Variants in GSDME observed in about 807,000 individuals in gnomAD.
GSDME encodes gasdermin-E.
In GSDME, 44 loss-of-function variants were observed where a neutral mutation model predicts 47.5. The observed-to-expected ratio is 0.93, with a 90% confidence interval of 0.73 to 1.19. The LOEUF is 1.19. GSDME is among the 50% of genes most tolerant of loss of function. GSDME has a pLI of 0.00. For synonymous variants in GSDME, 258 were observed against 252.8 expected (o/e 1.02, Z -0.20); for missense variants, 663 against 604.2 (o/e 1.10, Z -1.02).
At chr7:24,753,387 A>G (rs529852184) in intron 1 of GSDME, among the ~76,000 whole-genome samples, 1 of 152,310 alleles carries the variant, frequency 6.6e-6, no homozygotes, top group East Asian at 1.9e-4. Context: ...ATGCAGATGT[A>G]TCATTGCGCA....
In GSDME at chr7:24,732,085, A is replaced by T. The variant is rs1790165034; in HGVS notation, c.404+12477T>A. Among the ~76,000 whole-genome samples, 1 of 152,222 alleles carries T rather than the reference A, an allele frequency of 6.6e-6. No individual in the cohort carries two copies. Among genetic ancestry groups the T allele is most frequent in the Non-Finnish European group, 1.5e-5 (1 of 68,048 alleles). ...CCTGCCCTGGAAGGAGAAACACAGCAAAAAGAGAATCAGCGACAGGACCAG... is the reference window on the plus strand; with the variant it reads ...CCTGCCCTGGAAGGAGAAACACAGCTAAAAGAGAATCAGCGACAGGACCAG... On this transcript the variant is annotated intron_variant, in intron 3 of 9. Transcript: ENST00000645220. The surrounding 1 kb of genome is among the most constrained non-coding windows in gnomAD (Gnocchi z 4.8).
At chr7:24,778,058 CAAAG>C in the GSDME span, among the ~76,000 whole-genome samples, 8 of 148,008 alleles carry the variant, frequency 5.4e-5, no homozygotes, top group East Asian at 1.2e-3. This position sits in a 1 kb window ranked among gnomAD's most constrained non-coding sequence, Gnocchi z 5.6. Flanking sequence ...GATGGAGGGA[CAAAG>C]AAAGAGAGAA....
chr7:24,752,269 T>C (rs1790882921), intron 1 of GSDME, among the ~76,000 whole-genome samples: 1 of 152,188 alleles, frequency 6.6e-6, no homozygotes, highest in Non-Finnish European at 1.5e-5. Context: ...AGCTTGACTC[T>C]TGCACTGGAA....
chr7:24,791,109 G>A, the GSDME span, among the ~76,000 whole-genome samples: 1 of 152,078 alleles, frequency 6.6e-6, no homozygotes, highest in African/African-American at 2.4e-5. The surrounding 1 kb of genome is among the most constrained non-coding windows in gnomAD (Gnocchi z 4.8). Flanking sequence ...CTCAGGTGCT[G>A]CGGGTTTCAT....
Position 24,745,583 on chromosome 7 carries a change from T to C in GSDME, c.212-829A>G, listed in dbSNP as rs1790643756. ...TTCTCACATCTCCAGGTTTCTACTA[T>C]TCTCTTTTGTAATCCAAACAAAAAC... On this transcript the variant is annotated intron_variant, in intron 2 of 9. Transcript: ENST00000645220. This position sits in a 1 kb window ranked among gnomAD's most constrained non-coding sequence, Gnocchi z 4.4. 6.6e-6 allele frequency among the ~76,000 whole-genome samples: 1 copy of C among 152,192 alleles called. No individual in the cohort carries two copies. Among genetic ancestry groups the C allele is most frequent in the African/African-American group, 2.4e-5 (1 of 41,448 alleles).
In GSDME at chr7:24,703,246, G is replaced by A. The variant is rs558460098; in HGVS notation, c.1184-413C>T. 742 of 333,720 alleles carry A rather than the reference G, an allele frequency of 2.2e-3. 2 individuals carry two copies. The highest frequency in any genetic ancestry group is 3.4e-3 in the Non-Finnish European group (574 of 170,692). The allele number at this position is 333,720 out of a possible 1,614,324, so 20.7% of individuals were successfully genotyped here. A position where few individuals can be genotyped will look rare whatever the true frequency, so the allele number is the denominator to read the frequency against. ...AGCCTCAGTTTCCTCATTTACCATA[G>A]TTGTTTTGTTTTTGCATATGTCAGA... On this transcript the variant is annotated intron_variant, in intron 8 of 9. Transcript: ENST00000645220.
At chr7:24,785,307 T>A in the GSDME span, among the ~76,000 whole-genome samples, 1 of 152,188 alleles carries the variant, frequency 6.6e-6, no homozygotes, top group Non-Finnish European at 1.5e-5. Flanking sequence ...GTACCTTGAG[T>A]TGCAATTTCA....
rs375779041 is a variant in GSDME, at chr7:24,720,888, C to A, written c.405-1670G>T. On this transcript the variant is annotated intron_variant, in intron 3 of 9. Transcript: ENST00000645220. ...TGCCACCGCACTCCAGCCTGGGCAA[C>A]AAGAGCGAAACTCCGTCTCAAAAAA... Among the ~76,000 whole-genome samples the A allele has an allele frequency of 4.8e-5, 7 of 146,248 alleles. 1 individual carries two copies. Among genetic ancestry groups the A allele is most frequent in the East Asian group, 2.0e-4 (1 of 5,006 alleles).
intron 5 of GSDME, among the ~76,000 whole-genome samples, chr7:24,713,349 G>A (rs943649223): frequency 4.6e-5 from 7 of 152,138 alleles, no homozygotes; most frequent in African/African-American, 1.4e-4. Flanking sequence ...TCCTTCAGAG[G>A]TTTTATGACC....
At chr7:24,793,901 A>C in the GSDME span, among the ~76,000 whole-genome samples, 1 of 152,168 alleles carries the variant, frequency 6.6e-6, no homozygotes, top group African/African-American at 2.4e-5. Context: ...TTGCCACTAC[A>C]GATTGAATGT....
chr7:24,768,261 C>G, the GSDME span, among the ~76,000 whole-genome samples: 1 of 152,082 alleles, frequency 6.6e-6, no homozygotes, highest in Admixed American at 6.6e-5. The surrounding 1 kb of genome is among the most constrained non-coding windows in gnomAD (Gnocchi z 5.6). Flanking sequence ...CTTAGGACAA[C>G]GGAGAAACAC....
chr7:24,706,427 C>G (rs747458010), intron 7 of GSDME, 51 bp from the exon 8 acceptor site: 27 of 1,569,478 alleles, frequency 1.7e-5, no homozygotes, highest in Non-Finnish European at 2.3e-5. Context: ...GACCAAGCGC[C>G]ACAGCTGGGG....
chr7:24,768,356 A>T, the GSDME span, among the ~76,000 whole-genome samples: 1 of 152,150 alleles, frequency 6.6e-6, no homozygotes, highest in Non-Finnish European at 1.5e-5. The surrounding 1 kb of genome is among the most constrained non-coding windows in gnomAD (Gnocchi z 5.6). Context: ...GAGCCAGGTG[A>T]AATGCCATGT....
chr7:24,738,065 A>G (rs528677497), intron 3 of GSDME, among the ~76,000 whole-genome samples: 4 of 152,186 alleles, frequency 2.6e-5, no homozygotes, highest in Non-Finnish European at 5.9e-5. Flanking sequence ...AGGATCTGGA[A>G]CACAACAAGG....
chr7:24,708,052 C>T lies in GSDME; in HGVS notation c.990+75G>A, dbSNP rs977064580. 18 of 1,586,136 alleles carry T rather than the reference C, an allele frequency of 1.1e-5. No individual in the cohort carries two copies. In the African/African-American group the frequency reaches 2.4e-4, roughly 21 times the overall value. On this transcript the variant is annotated intron_variant, in intron 7 of 9. Transcript: ENST00000645220. ...AAAGGAGGCGGGGGAACCTTTAACACAATTCCATCCTGCCTCCTCCCCTGT... is the reference window on the plus strand; with the variant it reads ...AAAGGAGGCGGGGGAACCTTTAACATAATTCCATCCTGCCTCCTCCCCTGT...
intron 1 of GSDME, among the ~76,000 whole-genome samples, chr7:24,753,312 T>C (rs760924235): frequency 6.6e-6 from 1 of 152,242 alleles, no homozygotes; most frequent in African/African-American, 2.4e-5. Flanking sequence ...TATTTCTTTA[T>C]AGAGGTGTAG....
chr7:24,756,657 G>A lies in GSDME; in HGVS notation c.-20+739C>T, dbSNP rs1179904814. Among the ~76,000 whole-genome samples, 2 of 152,160 alleles carry A rather than the reference G, an allele frequency of 1.3e-5. No individual in the cohort carries two copies. Among genetic ancestry groups the A allele is most frequent in the South Asian group, 2.1e-4 (1 of 4,818 alleles). Reference sequence around the variant, plus strand: ...CAGAGTAGACTCTGGAGGAGTGGGTGGTCGGTGTGTTCAGTCCACAACCAG... The same window carrying A: ...CAGAGTAGACTCTGGAGGAGTGGGTAGTCGGTGTGTTCAGTCCACAACCAG... On this transcript the variant is annotated intron_variant, in intron 1 of 9. Coordinates refer to ENST00000645220, the MANE Select transcript of GSDME (RefSeq NM_001127453.2). The surrounding 1 kb of genome is among the most constrained non-coding windows in gnomAD (Gnocchi z 4.2).
At position 24,733,799 on chromosome 7, in the gene GSDME, G is replaced by A. The variant is rs1367358464; in HGVS notation, c.404+10763C>T. On this transcript the variant is annotated intron_variant, in intron 3 of 9. Transcript: ENST00000645220. This position sits in a 1 kb window ranked among gnomAD's most constrained non-coding sequence, Gnocchi z 4.3. ...CATAGATTTCTAAGGTTTCCAACTC[G>A]AGGCCCTGACTCCTGGACAGCATCT... Among the ~76,000 whole-genome samples, 1 of 152,140 alleles carries A rather than the reference G, an allele frequency of 6.6e-6. No homozygotes were observed. Among genetic ancestry groups the A allele is most frequent in the Non-Finnish European group, 1.5e-5 (1 of 68,016 alleles).
Sources: gnomAD v4.1 joint callset for allele counts (sites outside exome capture counted in the v4.1 genomes callset) on GRCh38, gnomAD v4.1.1 for gene constraint, Gnocchi (gnomAD v3.1) non-coding constraint, MANE v1.5 for transcripts, NCBI Gene and HGNC (gene_info 2026-07-23, HGNC 2026-07-21) for gene names.